CWC27: variants seen among roughly 807,000 people sequenced by gnomAD.
CWC27 encodes spliceosome-associated protein CWC27 homolog.
In CWC27, 47 loss-of-function variants were observed where a neutral mutation model predicts 63.6. The ratio of observed to expected loss-of-function variants is 0.74; its 90% CI spans 0.58 to 0.94. The LOEUF (loss-of-function observed/expected upper bound fraction) is 0.94, where lower values mean the gene tolerates loss of function less well. CWC27 is among the 40% of genes least tolerant of loss of function. CWC27 has a pLI of 0.00. For synonymous variants in CWC27, 175 were observed against 179.8 expected (o/e 0.97, Z 0.22); for missense variants, 495 against 554.3 (o/e 0.89, Z 1.07).
At chr5:65,004,861 CATATATATAT>C (rs1170127729) in intron 13 of CWC27, among the ~76,000 whole-genome samples, 1,695 of 45,398 alleles carry the variant, frequency 0.037, 37 homozygotes, top group African/African-American at 0.047. Flanking sequence ...AAGACTTTTT[CATATATATAT>C]ATATATATAT....
At chr5:64,816,132 A>G (rs992565975) in intron 10 of CWC27, among the ~76,000 whole-genome samples, 2 of 152,112 alleles carry the variant, frequency 1.3e-5, no homozygotes, top group African/African-American at 2.4e-5. Flanking sequence ...CTAGTCTGCT[A>G]CTTGTTGCAG....
intron 7 of CWC27, among the ~76,000 whole-genome samples, chr5:64,792,539 T>C (rs1993625): frequency 0.52 from 78,857 of 151,986 alleles, 21,155 homozygotes; most frequent in East Asian, 0.85. Flanking sequence ...TAAAAATCTT[T>C]TTTTTCTTAC....
chr5:64,863,919 T>G (rs1466868422), intron 10 of CWC27, among the ~76,000 whole-genome samples: 1 of 152,244 alleles, frequency 6.6e-6, no homozygotes, highest in African/African-American at 2.4e-5. Context: ...ATTCTTGTCC[T>G]GAATCAGTTA....
At chr5:64,927,617 C>T (rs897391668) in intron 11 of CWC27, among the ~76,000 whole-genome samples, 9 of 145,620 alleles carry the variant, frequency 6.2e-5, no homozygotes, top group African/African-American at 2.3e-4. Flanking sequence ...TTCCCTTCTC[C>T]TTCTTTTGCA....
chr5:64,922,648 C>T (rs1580728435), intron 11 of CWC27, among the ~76,000 whole-genome samples: 1 of 152,200 alleles, frequency 6.6e-6, no homozygotes, highest in East Asian at 1.9e-4. Context: ...GGTTCAAAAC[C>T]ATTGCTGGGG....
intron 10 of CWC27, among the ~76,000 whole-genome samples, chr5:64,861,357 C>A (rs971908196): frequency 1.3e-5 from 2 of 151,830 alleles, no homozygotes; most frequent in Non-Finnish European, 2.9e-5. Context: ...TAAAACCAAT[C>A]TTCTCTATTA....
At chr5:64,932,160 G>A (rs2112403380) in intron 11 of CWC27, among the ~76,000 whole-genome samples, 1 of 152,122 alleles carries the variant, frequency 6.6e-6, no homozygotes, top group Non-Finnish European at 1.5e-5. Context: ...TTTTACTGTT[G>A]AAGAAACTGA....
chr5:65,004,052 C>G (rs1272281977), intron 13 of CWC27, among the ~76,000 whole-genome samples: 2 of 152,096 alleles, frequency 1.3e-5, no homozygotes, highest in Non-Finnish European at 2.9e-5. Flanking sequence ...ACCATGTTGG[C>G]CAGGCTGGTC....
intron 5 of CWC27, 112 bp from the exon 6 acceptor site, chr5:64,786,412 T>G: frequency 1.8e-6 from 1 of 568,586 alleles, no homozygotes; most frequent in Non-Finnish European, 3.0e-6. Flanking sequence ...ATACTAATAA[T>G]GTTTATGTGG....
At chr5:64,962,393 C>G (rs1748929521) in intron 11 of CWC27, among the ~76,000 whole-genome samples, 1 of 152,146 alleles carries the variant, frequency 6.6e-6, no homozygotes, top group South Asian at 2.1e-4. Flanking sequence ...GCCAACACTA[C>G]AGTGGCCCAA....
intron 11 of CWC27, among the ~76,000 whole-genome samples, chr5:64,912,966 A>T (rs1747821703): frequency 6.6e-6 from 1 of 152,156 alleles, no homozygotes; most frequent in African/African-American, 2.4e-5. Context: ...GTAAAGATAT[A>T]TGAGAAAATT....
At chr5:64,791,821 T>A (rs1287386321) in intron 7 of CWC27, among the ~76,000 whole-genome samples, 1 of 152,166 alleles carries the variant, frequency 6.6e-6, no homozygotes, top group Non-Finnish European at 1.5e-5. Flanking sequence ...AGTGTCAATA[T>A]CTTCCAAAGA....
At chr5:64,999,873 A>T (rs1749700882) in intron 13 of CWC27, among the ~76,000 whole-genome samples, 2 of 152,086 alleles carry the variant, frequency 1.3e-5, no homozygotes, top group Non-Finnish European at 1.5e-5. Flanking sequence ...ATGCTGGGTC[A>T]TATGGTAGCT....
At chr5:64,966,230 A>G (rs2112437839) in intron 11 of CWC27, among the ~76,000 whole-genome samples, 1 of 152,298 alleles carries the variant, frequency 6.6e-6, no homozygotes, top group South Asian at 2.1e-4. Context: ...TCAATGTAAG[A>G]AATTCCCTTA....
intron 11 of CWC27, among the ~76,000 whole-genome samples, chr5:64,970,016 T>C (rs1749088278): frequency 6.6e-6 from 1 of 152,150 alleles, no homozygotes; most frequent in Non-Finnish European, 1.5e-5. Context: ...TGAAAGCACA[T>C]GAAGGTGGAT....
At chr5:64,902,578 C>T (rs1324273528) in intron 11 of CWC27, among the ~76,000 whole-genome samples, 1 of 151,796 alleles carries the variant, frequency 6.6e-6, no homozygotes, top group African/African-American at 2.4e-5. Context: ...CTATTCTGTC[C>T]CATTCATCTA....
intron 13 of CWC27, among the ~76,000 whole-genome samples, chr5:64,983,979 G>A (rs1167702871): frequency 5.3e-5 from 8 of 151,842 alleles, no homozygotes; most frequent in African/African-American, 1.9e-4. Context: ...CCACAGGTGC[G>A]CACCACCACG....
rs770389929 is a variant in CWC27, at chr5:64,951,014, A to G, written c.1043-20689A>G. Among the ~76,000 whole-genome samples the G allele has an allele frequency of 8.5e-4, 130 of 152,076 alleles. 1 individual carries two copies. The highest frequency in any genetic ancestry group is 9.3e-4 in the Non-Finnish European group (63 of 67,886). On this transcript the variant is annotated intron_variant, in intron 11 of 13. Transcript: ENST00000381070. ...TATACCATAATATGTTTATCCATCC[A>G]TCAGTTGATGAATACTTATGTTACT...
intron 10 of CWC27, among the ~76,000 whole-genome samples, chr5:64,864,543 A>G (rs1746489693): frequency 6.6e-6 from 1 of 152,184 alleles, no homozygotes; most frequent in Non-Finnish European, 1.5e-5. Context: ...ATTTTCTAAT[A>G]TCTTCCTTTA....
Sources: allele counts gnomAD v4.1 joint callset (sites outside exome capture counted in the v4.1 genomes callset), GRCh38; gene constraint gnomAD v4.1.1; transcripts MANE v1.5; gene names NCBI Gene and HGNC (gene_info 2026-07-23, HGNC 2026-07-21).